FANCD2: variants seen among roughly 807,000 people sequenced by gnomAD.
FANCD2 encodes the protein Fanconi anemia group D2 protein.
FANCD2 carries 131 observed loss-of-function variants against 192.3 expected under a neutral mutation model. The ratio of observed to expected loss-of-function variants is 0.68; its 90% CI spans 0.59 to 0.79. The LOEUF (loss-of-function observed/expected upper bound fraction) is 0.79, where lower values mean the gene tolerates loss of function less well. Ranked by LOEUF, FANCD2 falls within the 30% of genes least tolerant of loss-of-function variation. The pLI, the probability that FANCD2 is intolerant of heterozygous loss-of-function variation, is 0.00. For missense variants in FANCD2, 1,508 were observed against 1,701.6 expected, an observed-to-expected ratio of 0.89 and a Z score of 2.00; for synonymous variants, 524 against 612.5, an observed-to-expected ratio of 0.86 and a Z score of 2.13.
chr3:10,039,879 C>T (rs867123793), intron 9 of FANCD2, 34 bp downstream of exon 9: 3 of 1,613,378 alleles, frequency 1.9e-6, no homozygotes, highest in Non-Finnish European at 2.5e-6. Flanking sequence ...CTAAGTGAGG[C>T]TCAGCTATGG....
chr3:10,055,780 C>T (rs2087391408), intron 18 of FANCD2, among the ~76,000 whole-genome samples: 1 of 151,708 alleles, frequency 6.6e-6, no homozygotes. Context: ...TCACTGCACT[C>T]CAGCCTGGGA....
At position 10,064,969 on chromosome 3, in the gene FANCD2, T is replaced by G. The variant is rs2087677290; in HGVS notation, c.2168+94T>G. 8 of 1,360,280 alleles carry G rather than the reference T, an allele frequency of 5.9e-6. No homozygotes were observed. The East Asian group carries it at 1.8e-4, about 31-fold the overall frequency. The allele number at this position is 1,360,280 out of a possible 1,614,324, so 84.3% of individuals were successfully genotyped here. On this transcript the variant is annotated intron_variant, in intron 23 of 43. Transcript: ENST00000675286. ...GGTGGGGAAGTTGAGTCAAAAAAGT[T>G]TCTCTCGAGACAAATGGTATTTGGA...
intron 14 of FANCD2, among the ~76,000 whole-genome samples, chr3:10,045,306 C>T (rs1231201157): frequency 2.2e-4 from 33 of 151,870 alleles, no homozygotes; most frequent in African/African-American, 8.0e-4. Flanking sequence ...GTAGCTGGGA[C>T]TACAGGCACC....
intron 8 of FANCD2, 34 bp downstream of exon 8, chr3:10,039,391 G>C: frequency 6.5e-7 from 1 of 1,531,222 alleles, no homozygotes; most frequent in Non-Finnish European, 9.0e-7. Flanking sequence ...TGAATTTAAA[G>C]AGTATGTTTC....
intron 40 of FANCD2, 195 bp from the exon 41 acceptor site, chr3:10,095,005 G>A: frequency 1.6e-6 from 1 of 612,236 alleles, no homozygotes; most frequent in East Asian, 2.8e-5. Context: ...ATTGATACAA[G>A]GGACAGAAAT....
intron 3 of FANCD2, among the ~76,000 whole-genome samples, chr3:10,033,379 C>T (rs1202095344): frequency 3.3e-5 from 5 of 151,626 alleles, no homozygotes; most frequent in East Asian, 3.9e-4. Flanking sequence ...CCAGCCTGGG[C>T]GACAAGAGTG....
At chr3:10,086,441 G>A (rs1310576626) in intron 33 of FANCD2, among the ~76,000 whole-genome samples, 1 of 152,080 alleles carries the variant, frequency 6.6e-6, no homozygotes, top group Non-Finnish European at 1.5e-5. Flanking sequence ...GACCATCACT[G>A]GGTCAGCAGT....
chr3:10,043,701 A>C, intron 13 of FANCD2, 109 bp downstream of exon 13: 1 of 1,313,762 alleles, frequency 7.6e-7, no homozygotes, highest in Non-Finnish European at 1.1e-6. Context: ...TTCAAGTGGA[A>C]ATGATAGCTG....
At chr3:10,100,430 G>A (rs556414911) in intron 43 of FANCD2, among the ~76,000 whole-genome samples, 1 of 152,282 alleles carries the variant, frequency 6.6e-6, no homozygotes, top group South Asian at 2.1e-4. Flanking sequence ...CTAGCATGCA[G>A]TGGTGCAGTC....
intron 26 of FANCD2, among the ~76,000 whole-genome samples, chr3:10,067,991 C>T (rs1214029775): frequency 6.6e-6 from 1 of 152,074 alleles, no homozygotes; most frequent in Non-Finnish European, 1.5e-5. Context: ...TCATAAAAAA[C>T]CCTCAGAAAA....
chr3:10,088,779 G>A lies in FANCD2; in HGVS notation c.3561-49G>A, dbSNP rs201550150. The A allele has an allele frequency of 2.4e-4, 380 of 1,597,560 alleles. 5 individuals are homozygous for A. In the South Asian group the frequency reaches 2.5e-3, roughly 10 times the overall value. On this transcript the variant is annotated intron_variant, in intron 35 of 43. Coordinates refer to ENST00000675286, the MANE Select transcript of FANCD2 (RefSeq NM_001018115.3). ...AGAGGAATTAGAGGAATCTGTAGTT[G>A]TATTCTACTTTGTTAATTAGTGGGT...
chr3:10,072,779 A>C (rs1317828772), intron 26 of FANCD2, 92 bp from the exon 27 acceptor site: 1 of 773,586 alleles, frequency 1.3e-6, no homozygotes. Flanking sequence ...AATTTTGGAA[A>C]CTAGTTTTTA....
intron 8 of FANCD2, among the ~76,000 whole-genome samples, 179 bp downstream of exon 8, chr3:10,039,536 TTAAA>T (rs1367134547): frequency 6.6e-6 from 1 of 152,228 alleles, no homozygotes; most frequent in African/African-American, 2.4e-5. Context: ...TCAGAAAAGT[TTAAA>T]TACGAAGAGT....
Position 10,085,818 on chromosome 3 carries a change from A to G in FANCD2, c.3231A>G (p.Gly1077=), listed in dbSNP as rs1349670861. 1 of 1,611,330 alleles carries G rather than the reference A, an allele frequency of 6.2e-7. No individual in the cohort carries two copies. The highest frequency in any genetic ancestry group is 8.5e-7 in the Non-Finnish European group (1 of 1,177,730). ...CTTACCTTGACTTCCTTAGGAGTGGATTTTCTCAACCTGAAAATCAGAATT... is the reference window on the plus strand; with the variant it reads ...CTTACCTTGACTTCCTTAGGAGTGGGTTTTCTCAACCTGAAAATCAGAATT... ...QIFHGLFAWS[G]FSQPENQNLL... Residue 1077 remains glycine (G), a synonymous_variant, in exon 33 of 44, where the codon GGA becomes GGG. Coordinates refer to ENST00000675286, the MANE Select transcript of FANCD2 (RefSeq NM_001018115.3).
At chr3:10,049,594 A>G (rs1420976358) in intron 17 of FANCD2, 89 bp downstream of exon 17, 9 of 1,271,014 alleles carry the variant, frequency 7.1e-6, no homozygotes, top group Non-Finnish European at 9.1e-6. Context: ...GGCAAGTAAT[A>G]TAAATAAAAA....
chr3:10,062,857 G>A (rs1414743654), intron 20 of FANCD2, among the ~76,000 whole-genome samples: 1 of 151,992 alleles, frequency 6.6e-6, no homozygotes, highest in Non-Finnish European at 1.5e-5. Context: ...AGTTAAATTT[G>A]TATTTTTAGT....
At chr3:10,082,184 C>G (rs1280159204) in intron 32 of FANCD2, among the ~76,000 whole-genome samples, 1 of 152,236 alleles carries the variant, frequency 6.6e-6, no homozygotes. Context: ...CACCAGTTGC[C>G]TGAACCAGAA....
intron 42 of FANCD2, among the ~76,000 whole-genome samples, chr3:10,097,533 C>T (rs1272665125): frequency 1.3e-5 from 2 of 152,192 alleles, no homozygotes; most frequent in African/African-American, 4.8e-5. Context: ...CTGTTCCGCC[C>T]GGCTCACCGG....
chr3:10,088,722 T>C, intron 35 of FANCD2, 106 bp from the exon 36 acceptor site: 2 of 1,288,454 alleles, frequency 1.6e-6, no homozygotes, highest in Non-Finnish European at 2.2e-6. Context: ...TTTTATACTG[T>C]TAGCTAACTG....
Sources: gnomAD v4.1 joint callset for allele counts (sites outside exome capture counted in the v4.1 genomes callset) on GRCh38, gnomAD v4.1.1 for gene constraint, MANE v1.5 for transcripts, NCBI Gene and HGNC (gene_info 2026-07-23, HGNC 2026-07-21) for gene names.